GLI3: variants seen among roughly 807,000 people sequenced by gnomAD.
The protein encoded by GLI3 is GLI family zinc finger 3, also known as transcription activator GLI3.
In GLI3, 20 loss-of-function variants were observed where a neutral mutation model predicts 100.8. The ratio of observed to expected loss-of-function variants is 0.20; its 90% CI spans 0.14 to 0.29. The LOEUF (loss-of-function observed/expected upper bound fraction) is 0.29. Among genes scored for constraint, GLI3 ranks in the 10% least tolerant of loss-of-function variants. The pLI is 1.00. For synonymous variants in GLI3, 938 were observed against 860.5 expected, an observed-to-expected ratio of 1.09 and a Z score of -1.58; for missense variants, 2,040 against 2,128.5, an observed-to-expected ratio of 0.96 and a Z score of 0.82.
intron 3 of GLI3, among the ~76,000 whole-genome samples, chr7:42,132,258 G>A (rs933865773): frequency 1.3e-5 from 2 of 151,250 alleles, no homozygotes; most frequent in East Asian, 1.9e-4. Flanking sequence ...CCGCCACTAC[G>A]CCCGGCTAAT....
chr7:42,054,531 ATT>A (rs1413872940), intron 4 of GLI3, among the ~76,000 whole-genome samples: 8 of 152,078 alleles, frequency 5.3e-5, no homozygotes, highest in Admixed American at 5.2e-4. Flanking sequence ...ACATAAGCTT[ATT>A]TTTTGTTTTT....
intron 3 of GLI3, among the ~76,000 whole-genome samples, chr7:42,108,937 AC>A (rs1320653096): frequency 6.6e-6 from 1 of 151,128 alleles, no homozygotes; most frequent in Non-Finnish European, 1.5e-5. Context: ...ACACCCTCCC[AC>A]CCCTGTCTCT....
upstream of GLI3, among the ~76,000 whole-genome samples, chr7:42,237,408 A>G (rs933646416): frequency 2.0e-5 from 3 of 152,104 alleles, no homozygotes; most frequent in East Asian, 3.9e-4. Flanking sequence ...CATCCAATCG[A>G]CTTTCTGGAA....
Position 41,965,293 on chromosome 7 carries a change from C to T in GLI3, c.3780G>A (p.Arg1260=), listed in dbSNP as rs374477953. ...CGAGTGCACCAGGGGCCACTGGCTG[C>T]CTGTTGAGACAGTTCCCATACTGCG... ...KAPQYGNCLN[R]QPVAPGALDG... is the part of the protein sequence containing the mutation. Residue 1260 remains arginine (R), a synonymous_variant, in exon 15 of 15, where the codon AGG becomes AGA. Coordinates refer to ENST00000395925, the MANE Select transcript of GLI3 (RefSeq NM_000168.6). 1.2e-6 allele frequency: 2 copies of T among 1,613,712 alleles called. No homozygotes were observed. Among genetic ancestry groups the T allele is most frequent in the Admixed American group, 1.7e-5 (1 of 60,010 alleles).
At chr7:41,987,594 G>C (rs1442203370) in intron 10 of GLI3, among the ~76,000 whole-genome samples, 2 of 152,206 alleles carry the variant, frequency 1.3e-5, no homozygotes, top group Non-Finnish European at 2.9e-5. Context: ...AAGTTGTAGA[G>C]ATGAGTGGAA....
At chr7:42,042,913 C>A (rs1046499198) in intron 6 of GLI3, among the ~76,000 whole-genome samples, 4 of 152,148 alleles carry the variant, frequency 2.6e-5, no homozygotes, top group Admixed American at 2.0e-4. Context: ...GTCACTCCAA[C>A]ACTGAGAGGT....
In GLI3 at chr7:42,155,981, C is replaced by A. The variant is rs115772541; in HGVS notation, c.125-7513G>T. Among the ~76,000 whole-genome samples, 281 of 152,230 alleles carry A rather than the reference C, an allele frequency of 1.8e-3. 1 individual carries two copies. The highest frequency in any genetic ancestry group is 6.5e-3 in the African/African-American group (272 of 41,536). On this transcript the variant is annotated intron_variant, in intron 2 of 14. Transcript: ENST00000395925. ...AGAGGTCTGCAGCCCCATCTCTACC[C>A]CCGGGAGGATGCTTCTGAACACTGA...
chr7:42,209,986 G>GA (rs749477443), intron 2 of GLI3, among the ~76,000 whole-genome samples: 645 of 33,262 alleles, frequency 0.019, 158 homozygotes, highest in African/African-American at 0.073. Context: ...TTAAGAATCT[G>GA]AAAAAAAAAA....
chr7:42,189,264 A>G (rs555113368), intron 2 of GLI3, among the ~76,000 whole-genome samples: 2 of 152,228 alleles, frequency 1.3e-5, no homozygotes, highest in Non-Finnish European at 2.9e-5. Flanking sequence ...TTAGAAAAGA[A>G]CAAACTTAGA....
chr7:42,129,580 G>A (rs1470842238), intron 3 of GLI3, among the ~76,000 whole-genome samples: 1 of 152,166 alleles, frequency 6.6e-6, no homozygotes, highest in Non-Finnish European at 1.5e-5. Flanking sequence ...GGAGGCCGAG[G>A]CGGGGGGATC....
rs934253568 is a variant in GLI3, at chr7:41,964,073, T to TTG, written c.*256_*257insCA. On this transcript the variant is annotated 3_prime_UTR_variant, in exon 15 of 15. Transcript: ENST00000395925. Reference sequence around the variant, plus strand: ...GGGGGCGGGGCTTACAGTTTTTTTTTTTTTTTTTAAAAAGAGGGTGGTTTG... The same window carrying TTG: ...GGGGGCGGGGCTTACAGTTTTTTTTTTGTTTTTTTTAAAAAGAGGGTGGTTTG... 1 of 297,632 alleles carries TTG rather than the reference T, an allele frequency of 3.4e-6. No homozygotes were observed. Among genetic ancestry groups the TTG allele is most frequent in the African/African-American group, 2.2e-5 (1 of 45,900 alleles). The allele number at this position is 297,632 out of a possible 1,614,324, so 18.4% of individuals were successfully genotyped here. A position where few individuals can be genotyped will look rare whatever the true frequency, so the allele number is the denominator to read the frequency against.
At chr7:42,087,092 G>C (rs944484491) in intron 3 of GLI3, among the ~76,000 whole-genome samples, 1 of 152,112 alleles carries the variant, frequency 6.6e-6, no homozygotes, top group East Asian at 1.9e-4. Flanking sequence ...CTCAATAAAT[G>C]TATGTTCTAG....
chr7:42,074,110 C>G (rs1203779254), intron 4 of GLI3, among the ~76,000 whole-genome samples: 1 of 152,152 alleles, frequency 6.6e-6, no homozygotes, highest in Admixed American at 6.5e-5. Flanking sequence ...ATTTTTCATG[C>G]CCCCCACTGC....
chr7:42,136,498 C>T (rs1201761581), intron 3 of GLI3, among the ~76,000 whole-genome samples: 1 of 152,196 alleles, frequency 6.6e-6, no homozygotes, highest in Non-Finnish European at 1.5e-5. Context: ...CACATATGGC[C>T]TGTGGTGGTG....
intron 3 of GLI3, among the ~76,000 whole-genome samples, chr7:42,113,789 A>G (rs1785776964): frequency 6.6e-6 from 1 of 152,230 alleles, no homozygotes; most frequent in Non-Finnish European, 1.5e-5. Flanking sequence ...ATATGTCCCT[A>G]ATAGAATGTC....
At chr7:42,249,431 C>T (rs1056137387) in intron 1 of GLI3, among the ~76,000 whole-genome samples, 1 of 152,124 alleles carries the variant, frequency 6.6e-6, no homozygotes, top group Non-Finnish European at 1.5e-5. Flanking sequence ...AAGCTTGTCA[C>T]CTTACAAAAA....
At chr7:42,256,862 A>G (rs1225170502) in intron 1 of GLI3, among the ~76,000 whole-genome samples, 4 of 152,170 alleles carry the variant, frequency 2.6e-5, no homozygotes, top group African/African-American at 9.7e-5. Context: ...TTAAATATCA[A>G]TTTCCAAAAG....
At chr7:42,173,677 A>T (rs1308147960) in intron 2 of GLI3, among the ~76,000 whole-genome samples, 1 of 152,118 alleles carries the variant, frequency 6.6e-6, no homozygotes, top group Non-Finnish European at 1.5e-5. Context: ...ATTCCCCCAA[A>T]GCAGAAGGAA....
intron 4 of GLI3, among the ~76,000 whole-genome samples, chr7:42,062,711 A>G (rs1784595494): frequency 8.2e-6 from 1 of 121,980 alleles, no homozygotes; most frequent in Non-Finnish European, 1.7e-5. Context: ...ACACACACAC[A>G]GACACACACA....
Sources: gnomAD v4.1 joint callset for allele counts (sites outside exome capture counted in the v4.1 genomes callset) on GRCh38, gnomAD v4.1.1 for gene constraint, MANE v1.5 for transcripts, NCBI Gene and HGNC (gene_info 2026-07-23, HGNC 2026-07-21) for gene names.